KLK15: variants seen among roughly 807,000 people sequenced by gnomAD.
The protein encoded by KLK15 is kallikrein related peptidase 15, also known as kallikrein-15.
KLK15 carries 19 observed loss-of-function variants against 21.1 expected under a neutral mutation model. The ratio of observed to expected loss-of-function variants is 0.90; its 90% confidence interval spans 0.63 to 1.32. The LOEUF (loss-of-function observed/expected upper bound fraction) is 1.32, where lower values mean the gene tolerates loss of function less well. KLK15 is among the 40% of genes most tolerant of loss of function. The pLI, the probability that KLK15 is intolerant of heterozygous loss-of-function variation, is 0.00. For synonymous variants in KLK15, 141 were observed against 141.5 expected, an observed-to-expected ratio of 1.00 and a Z score of 0.03; for missense variants, 345 against 348.6, an observed-to-expected ratio of 0.99 and a Z score of 0.08.
intron 1 of KLK15, among the ~76,000 whole-genome samples, chr19:50,830,823 T>C (rs2089972470): frequency 1.3e-5 from 2 of 152,108 alleles, no homozygotes; most frequent in African/African-American, 4.8e-5. Flanking sequence ...TCAAATGAGG[T>C]CGGTGGTGCC....
chr19:50,832,322 C>CTTTCTTTTTTTTTTT (rs1555766936), upstream of KLK15, among the ~76,000 whole-genome samples: 4 of 109,440 alleles, frequency 3.7e-5, no homozygotes, highest in Non-Finnish European at 5.6e-5. Flanking sequence ...CTTTTTTTTT[C>CTTTCTTTTTTTTTTT]TTTTTTTTTT....
At chr19:50,828,884 G>C (rs1261119885) in intron 1 of KLK15, among the ~76,000 whole-genome samples, 1 of 145,504 alleles carries the variant, frequency 6.9e-6, no homozygotes, top group Non-Finnish European at 1.5e-5. Flanking sequence ...CAGGAAAATC[G>C]CTTGAACCCG....
At chr19:50,826,026 C>A in intron 4 of KLK15, 78 bp from the exon 6 acceptor site, 1 of 1,403,740 alleles carries the variant, frequency 7.1e-7, no homozygotes, top group South Asian at 1.3e-5. Flanking sequence ...TTTGCAATCT[C>A]ACCCCAAACC....
At position 50,825,967 on chromosome 19, in the gene KLK15, G is replaced by A. The variant is rs761336847; in HGVS notation, c.619-19C>T. The stretch of plus-strand genomic sequence containing the variant: ...AGTCACCCTGTGGGGAAAAGAGGGG[G>A]TCTCAGGTTGAGTGAAACCTCCTGG... On this transcript the variant is annotated intron_variant, in intron 4 of 4. Coordinates refer to ENST00000598239, the Ensembl canonical transcript of KLK15. 36 of 1,604,048 alleles carry A rather than the reference G, an allele frequency of 2.2e-5. No homozygotes were observed. Among genetic ancestry groups the A allele is most frequent in the Non-Finnish European group, 3.1e-5 (36 of 1,174,102 alleles).
At chr19:50,832,842 C>G (rs1016686095), upstream of KLK15, among the ~76,000 whole-genome samples, 1 of 152,210 alleles carries the variant, frequency 6.6e-6, no homozygotes, top group African/African-American at 2.4e-5. Flanking sequence ...GTCTGCCTCC[C>G]CTACGAGACT....
chr19:50,831,459 C>G (rs753997451), exon 1 of KLK15: 1 of 1,437,648 alleles, frequency 7.0e-7, no homozygotes, highest in Non-Finnish European at 9.1e-7. Context: ...CCTGTGGATG[C>G]CAGCAGGAAG....
intron 1 of KLK15, 117 bp downstream of exon 2, chr19:50,831,333 G>T: frequency 1.4e-6 from 1 of 705,230 alleles, no homozygotes; most frequent in Non-Finnish European, 2.1e-6. Context: ...GAGGGTGAAG[G>T]AAGGATCTTT....
At chr19:50,826,449 C>T (rs1284907822) in intron 4 of KLK15, 172 bp downstream of exon 5, 1 of 705,730 alleles carries the variant, frequency 1.4e-6, no homozygotes. Context: ...CAATCCCCAC[C>T]TATAACCCCA....
chr19:50,826,254 C>T, intron 4 of KLK15: 1 of 460,200 alleles, frequency 2.2e-6, no homozygotes. Flanking sequence ...AAAATCAAAT[C>T]AAACCCATGC....
intron 4 of KLK15, 68 bp downstream of exon 5, chr19:50,826,553 C>T: frequency 1.3e-6 from 2 of 1,497,610 alleles, no homozygotes; most frequent in Middle Eastern, 1.8e-4. Flanking sequence ...GAAAATCCAA[C>T]CCCATCCGGA....
In KLK15 at chr19:50,827,204, G is replaced by C. The variant is rs777431885; in HGVS notation, c.198-43C>G. On this transcript the variant is annotated intron_variant, in intron 2 of 4. Coordinates refer to ENST00000598239, the Ensembl canonical transcript of KLK15. ...TTTCCCGCCAGTGGAGTGCGGGCCA[G>C]TGGTTACCCGCAAGTAGAGGACAGA... 5.2e-6 allele frequency: 8 copies of C among 1,532,220 alleles called. No homozygotes were observed. The South Asian group carries it at 9.9e-5, about 19-fold the overall frequency. The allele number at this position is 1,532,220 out of a possible 1,614,324, so 94.9% of individuals were successfully genotyped here.
chr19:50,827,811 GGCT>G lies in KLK15; in HGVS notation c.45_47del (p.Ala16del), dbSNP rs780061300. 4 of 1,611,176 alleles carry G rather than the reference GGCT, an allele frequency of 2.5e-6. No individual in the cohort carries two copies. The African/African-American group carries it at 5.3e-5, about 22-fold the overall frequency. Reference sequence around the variant, plus strand: ...CTTCCAGCAACTTGTCACCATCCTGGGCTGCTAAGAGAAGGGGTAGAGGATGCC... The same window carrying G: ...CTTCCAGCAACTTGTCACCATCCTGGGCTAAGAGAAGGGGTAGAGGATGCC... On this transcript the variant is annotated inframe_deletion and splice_region_variant, in exon 2 of 5. Coordinates refer to ENST00000598239, the Ensembl canonical transcript of KLK15.
chr19:50,825,844 T>A (rs752613370), exon 5 of KLK15: 2 of 1,614,032 alleles, frequency 1.2e-6, no homozygotes, highest in South Asian at 2.2e-5. Context: ...AGTGGCAGAC[T>A]TTGGTATAGA....
At chr19:50,827,052 G>C in exon 3 of KLK15, 1 of 1,606,468 alleles carries the variant, frequency 6.2e-7, no homozygotes. Flanking sequence ...TCGTTGCGGT[G>C]GCTGCGCGCT....
intron 1 of KLK15, among the ~76,000 whole-genome samples, chr19:50,830,959 C>A (rs2089974953): frequency 1.3e-5 from 2 of 152,294 alleles, no homozygotes; most frequent in African/African-American, 4.8e-5. Context: ...CCCTCAAAGA[C>A]CCTGTAAGAG....
At chr19:50,829,955 A>G (rs2089953412) in intron 1 of KLK15, among the ~76,000 whole-genome samples, 1 of 151,752 alleles carries the variant, frequency 6.6e-6, no homozygotes, top group Non-Finnish European at 1.5e-5. Flanking sequence ...GGCAGCACCC[A>G]GACACGGGGC....
chr19:50,827,559 C>G, intron 2 of KLK15, 103 bp downstream of exon 3: 1 of 1,262,740 alleles, frequency 7.9e-7, no homozygotes, highest in Non-Finnish European at 1.1e-6. Flanking sequence ...CCTCGTCTTT[C>G]AGAACCCAGG....
At position 50,827,670 on chromosome 19, in the gene KLK15, G is replaced by T. The variant is rs1411271536; in HGVS notation, c.189C>A (p.Cys63Ter). Residue 63 changes from cysteine to a stop codon, truncating the protein, a stop_gained, in exon 2 of 5, where the codon TGC (cysteine) becomes TGA (stop). Coordinates refer to ENST00000598239, the Ensembl canonical transcript of KLK15. LOFTEE classifies it high-confidence loss of function. ...AGCCCCTGCCTTCATACCGGCTTTG[G>T]CAGTGGGCCGCAGACAGCACCCAGT... 12 of 1,610,772 alleles carry T rather than the reference G, an allele frequency of 7.4e-6. No individual in the cohort carries two copies. The South Asian group carries it at 1.3e-4, about 18-fold the overall frequency.
chr19:50,827,297 C>T lies in KLK15; in HGVS notation c.198-136G>A. On this transcript the variant is annotated intron_variant, in intron 2 of 4. Transcript: ENST00000598239. ...AAATCTCGACATCCCATTACCTTTT[C>T]CCAAGACCCTGAAGCCAATGGTTCC... 4 of 850,860 alleles carry T rather than the reference C, an allele frequency of 4.7e-6. No individual in the cohort carries two copies. The South Asian group carries it at 7.1e-5, about 15-fold the overall frequency. The allele number at this position is 850,860 out of a possible 1,614,324, so 52.7% of individuals were successfully genotyped here. A position where few individuals can be genotyped will look rare whatever the true frequency, so the allele number is the denominator to read the frequency against.
Sources: allele counts gnomAD v4.1 joint callset (sites outside exome capture counted in the v4.1 genomes callset), GRCh38; gene constraint gnomAD v4.1.1; transcripts MANE v1.5; gene names NCBI Gene and HGNC (gene_info 2026-07-23, HGNC 2026-07-21).